The following ZBTB7C variants were observed in gnomAD, a reference collection of about 807,000 sequenced individuals.
ZBTB7C encodes the protein zinc finger and BTB domain-containing protein 7C.
In ZBTB7C, 8 loss-of-function variants were observed where a neutral mutation model predicts 25.7. The observed-to-expected ratio is 0.31, with a 90% confidence interval of 0.18 to 0.56. The LOEUF is 0.56. Among genes scored for constraint, ZBTB7C ranks in the 20% least tolerant of loss-of-function variants. The pLI is 0.91. For synonymous variants in ZBTB7C, 394 were observed against 369.0 expected (o/e 1.07, Z -0.78); for missense variants, 824 against 855.2 (o/e 0.96, Z 0.46).
intron 2 of ZBTB7C, among the ~76,000 whole-genome samples, chr18:48,293,114 T>C (rs2045281360): frequency 1.3e-5 from 2 of 152,310 alleles, no homozygotes; most frequent in South Asian, 4.2e-4. Flanking sequence ...ACCACTGTCT[T>C]AGTCCGTGTG....
chr18:48,389,241 G>C lies in ZBTB7C; in HGVS notation c.-304+19985C>G, dbSNP rs1216700103. ...CTCTCTCTCTCTCTCTCTCTCGTGT[G>C]TGTGTGTGTGTGTGTGTGTGTGTGT... is the stretch of plus-strand genomic sequence containing the variant. On this transcript the variant is annotated intron_variant, in intron 1 of 4. Coordinates refer to ENST00000590800, the MANE Select transcript of ZBTB7C (RefSeq NM_001318841.2). Among the ~76,000 whole-genome samples, 420 of 71,532 alleles carry C rather than the reference G, an allele frequency of 5.9e-3. 1 individual carries two copies. The highest frequency in any genetic ancestry group is 0.013 in the African/African-American group (209 of 15,636). The allele number at this position is 71,532 out of a possible 152,430, so 46.9% of individuals were successfully genotyped here. A position where few individuals can be genotyped will look rare whatever the true frequency, so the allele number is the denominator to read the frequency against.
At chr18:48,294,354 C>A (rs1013457503) in intron 2 of ZBTB7C, among the ~76,000 whole-genome samples, 1 of 149,862 alleles carries the variant, frequency 6.7e-6, no homozygotes, top group Admixed American at 6.6e-5. Context: ...CACACCCCCA[C>A]CCCCACTCCC....
At chr18:48,104,149 A>G (rs1335886673) in intron 3 of ZBTB7C, among the ~76,000 whole-genome samples, 3 of 152,310 alleles carry the variant, frequency 2.0e-5, no homozygotes, top group East Asian at 3.9e-4. Context: ...ATGACCTCCA[A>G]TGTTAGAAGT....
At chr18:48,271,258 C>A (rs1384561726) in intron 2 of ZBTB7C, among the ~76,000 whole-genome samples, 2 of 152,006 alleles carry the variant, frequency 1.3e-5, no homozygotes, top group African/African-American at 2.4e-5. Flanking sequence ...GCTAGTATAA[C>A]CTTAATAACG....
intron 2 of ZBTB7C, among the ~76,000 whole-genome samples, chr18:48,334,355 A>C (rs1701817949): frequency 6.6e-6 from 1 of 152,164 alleles, no homozygotes; most frequent in South Asian, 2.1e-4. Context: ...ACCTAGGGGG[A>C]GCACCTCATG....
intron 1 of ZBTB7C, among the ~76,000 whole-genome samples, chr18:48,351,908 G>A (rs1027904778): frequency 6.6e-6 from 1 of 152,174 alleles, no homozygotes; most frequent in Admixed American, 6.5e-5. Flanking sequence ...GGAGCAGACA[G>A]AGGGGAGTGC....
At chr18:48,032,419 T>G (rs2035793590) in intron 4 of ZBTB7C, among the ~76,000 whole-genome samples, 1 of 111,480 alleles carries the variant, frequency 9.0e-6, no homozygotes, top group Admixed American at 1.0e-4. Context: ...CCGGACAAGG[T>G]AGGTTTTTTT....
At chr18:48,345,067 A>G (rs2144998072) in intron 1 of ZBTB7C, among the ~76,000 whole-genome samples, 1 of 152,342 alleles carries the variant, frequency 6.6e-6, no homozygotes, top group East Asian at 1.9e-4. Flanking sequence ...CAAACCCAAA[A>G]ATAAAGCAAC....
intron 2 of ZBTB7C, among the ~76,000 whole-genome samples, chr18:48,324,757 T>C (rs1036020819): frequency 1.3e-5 from 2 of 152,152 alleles, no homozygotes; most frequent in African/African-American, 2.4e-5. Flanking sequence ...AGCAGAGCAA[T>C]TCCTGTGTGC....
intron 2 of ZBTB7C, among the ~76,000 whole-genome samples, chr18:48,311,918 G>A (rs571929647): frequency 6.6e-6 from 1 of 152,162 alleles, no homozygotes; most frequent in Non-Finnish European, 1.5e-5. Flanking sequence ...ACTCTTCCAA[G>A]GCAAGAATCT....
Position 48,202,274 on chromosome 18 carries a change from T to C in ZBTB7C, c.-78-16279A>G, listed in dbSNP as rs563422399. The stretch of plus-strand genomic sequence containing the variant: ...CGCAGAGAGGGAGCCCAAAGCCTCA[T>C]GGGCAGGGCTGGAGTTCAGGGTATC... On this transcript the variant is annotated intron_variant, in intron 2 of 4. Transcript: ENST00000590800. 9.7e-4 allele frequency among the ~76,000 whole-genome samples: 148 copies of C among 152,194 alleles called. 1 individual carries two copies. Among genetic ancestry groups the C allele is most frequent in the East Asian group, 5.8e-4 (3 of 5,170 alleles).
chr18:48,162,176 G>A (rs1250043080), intron 3 of ZBTB7C, among the ~76,000 whole-genome samples: 1 of 151,332 alleles, frequency 6.6e-6, no homozygotes, highest in Non-Finnish European at 1.5e-5. Flanking sequence ...GGCAGTGCCA[G>A]CTGCAGGCGT....
chr18:48,167,600 G>A (rs1189967245), intron 3 of ZBTB7C, among the ~76,000 whole-genome samples: 2 of 149,476 alleles, frequency 1.3e-5, no homozygotes, highest in South Asian at 4.2e-4. Flanking sequence ...GTGTGTGTGC[G>A]CGCGTGCACA....
At chr18:48,391,712 TG>T (rs752276429) in intron 1 of ZBTB7C, among the ~76,000 whole-genome samples, 66 of 152,196 alleles carry the variant, frequency 4.3e-4, no homozygotes, top group Non-Finnish European at 3.1e-4. Context: ...TACACGTGGT[TG>T]GGTCCACCCC....
intron 3 of ZBTB7C, among the ~76,000 whole-genome samples, chr18:48,136,281 G>C (rs1053124567): frequency 6.6e-6 from 1 of 152,206 alleles, no homozygotes; most frequent in Admixed American, 6.5e-5. Flanking sequence ...CCGGAGCTGA[G>C]AGACTATAGC....
At chr18:48,165,321 C>T (rs572585993) in intron 3 of ZBTB7C, 25 of 434,918 alleles carry the variant, frequency 5.7e-5, no homozygotes, top group African/African-American at 3.6e-4. Context: ...AACACTCCGA[C>T]GTAGCCCGTC....
chr18:48,040,606 T>C lies in ZBTB7C; in HGVS notation c.502A>G (p.Thr168Ala), dbSNP rs766146930. Residue 168 changes from threonine to alanine, a missense_variant, in exon 4 of 5, where the codon ACG becomes GCG. By Grantham distance (58) the Thr-to-Ala change is moderately conservative (BLOSUM62 0). Coordinates refer to ENST00000590800, the MANE Select transcript of ZBTB7C (RefSeq NM_001318841.2). Reference protein sequence around the residue: ...EEEEEDDDDDTEDFADQENLP... With the variant: ...EEEEEDDDDDAEDFADQENLP... ...TTTTCTTGGTCAGCAAAGTCCTCCG[T>C]GTCATCATCGTCATCCTCCTCCTCT... 6.2e-7 allele frequency: 1 copy of C among 1,613,842 alleles called. No homozygotes were observed. The highest frequency in any genetic ancestry group is 1.1e-5 in the South Asian group (1 of 91,034).
chr18:48,161,119 TGGA>T (rs913647760), intron 3 of ZBTB7C, among the ~76,000 whole-genome samples: 1 of 113,458 alleles, frequency 8.8e-6, no homozygotes, highest in African/African-American at 3.3e-5. Context: ...TGCTTGGGGC[TGGA>T]GGAGGTGGGG....
intron 2 of ZBTB7C, among the ~76,000 whole-genome samples, chr18:48,200,283 T>C (rs1454178608): frequency 1.3e-5 from 2 of 152,126 alleles, no homozygotes; most frequent in African/African-American, 4.8e-5. Flanking sequence ...TTCAGGTTCA[T>C]ATGTCAGAAA....
Sources: gnomAD v4.1 joint callset for allele counts (sites outside exome capture counted in the v4.1 genomes callset) on GRCh38, gnomAD v4.1.1 for gene constraint, MANE v1.5 for transcripts, NCBI Gene and HGNC (gene_info 2026-07-23, HGNC 2026-07-21) for gene names.